ELAVL2: variants seen among roughly 807,000 people sequenced by gnomAD.
The protein encoded by ELAVL2 is ELAV-like protein 2.
Under a neutral mutation model 34.6 loss-of-function variants are expected in ELAVL2, and 4 were observed. That is an observed-to-expected ratio of 0.12 (90% CI 0.06 to 0.26). The LOEUF (loss-of-function observed/expected upper bound fraction) is 0.26. Among genes scored for constraint, ELAVL2 ranks in the 10% least tolerant of loss-of-function variants. The pLI is 1.00. For missense variants in ELAVL2, 432 were observed against 442.8 expected, an observed-to-expected ratio of 0.98 and a Z score of 0.22; for synonymous variants, 193 against 154.8, an observed-to-expected ratio of 1.25 and a Z score of -1.83.
intron 3 of ELAVL2, among the ~76,000 whole-genome samples, chr9:23,707,505 C>G (rs1288510258): frequency 6.6e-6 from 1 of 152,150 alleles, no homozygotes; most frequent in East Asian, 1.9e-4. Context: ...GGCATCTACA[C>G]ATTCTCCAAG....
At chr9:23,709,113 A>G (rs1261915865) in intron 3 of ELAVL2, among the ~76,000 whole-genome samples, 1 of 152,192 alleles carries the variant, frequency 6.6e-6, no homozygotes, top group Non-Finnish European at 1.5e-5. Context: ...AAGGTGTAAG[A>G]AAGGGTAATT....
chr9:23,748,160 G>A (rs1292673719), intron 2 of ELAVL2, among the ~76,000 whole-genome samples: 1 of 151,002 alleles, frequency 6.6e-6, no homozygotes, highest in Non-Finnish European at 1.5e-5. Flanking sequence ...ATTGATGGGG[G>A]GCTTCCTTGA....
At chr9:23,693,730 G>A (rs969147928) in intron 5 of ELAVL2, among the ~76,000 whole-genome samples, 2 of 152,188 alleles carry the variant, frequency 1.3e-5, no homozygotes, top group Non-Finnish European at 2.9e-5. Context: ...GGTCATCTGA[G>A]GATACCTTTC....
chr9:23,708,755 C>A (rs1033945574), intron 3 of ELAVL2, among the ~76,000 whole-genome samples: 7 of 152,134 alleles, frequency 4.6e-5, no homozygotes, highest in Non-Finnish European at 1.0e-4. Context: ...TATTCTCCTG[C>A]CTCAGCCTTC....
At chr9:23,716,451 A>G (rs895642349) in intron 3 of ELAVL2, among the ~76,000 whole-genome samples, 7 of 152,336 alleles carry the variant, frequency 4.6e-5, no homozygotes, top group African/African-American at 1.7e-4. Context: ...AAACACACCC[A>G]AAGTTAAAAA....
the ELAVL2 span, among the ~76,000 whole-genome samples, chr9:23,833,619 G>T: frequency 6.6e-6 from 1 of 151,484 alleles, no homozygotes; most frequent in Non-Finnish European, 1.5e-5. Context: ...AAATAATCTT[G>T]TTTTTTTATA....
chr9:23,721,620 A>G (rs2043747261), intron 3 of ELAVL2, among the ~76,000 whole-genome samples: 1 of 152,190 alleles, frequency 6.6e-6, no homozygotes, highest in Non-Finnish European at 1.5e-5. Context: ...TTCAAAATAC[A>G]GATGACCCTG....
intron 1 of ELAVL2, among the ~76,000 whole-genome samples, chr9:23,820,253 AT>A (rs2064365686): frequency 1.3e-5 from 2 of 152,368 alleles, no homozygotes; most frequent in South Asian, 2.1e-4. Context: ...ATGGTTTTAA[AT>A]GGACTGATTC....
At chr9:23,806,267 A>C (rs991865100) in intron 1 of ELAVL2, among the ~76,000 whole-genome samples, 2 of 152,198 alleles carry the variant, frequency 1.3e-5, no homozygotes, top group African/African-American at 2.4e-5. Context: ...AAAGAAAAAA[A>C]CTTGCATGTA....
intron 1 of ELAVL2, chr9:23,779,515 C>G (rs2058746395): frequency 1.8e-6 from 1 of 562,464 alleles, no homozygotes. Flanking sequence ...GCATTCTTCC[C>G]TGCCTCCAAA....
chr9:23,692,343 C>A lies in ELAVL2; in HGVS notation c.*214G>T. 1 of 553,148 alleles carries A rather than the reference C, an allele frequency of 1.8e-6. No individual in the cohort carries two copies. Among genetic ancestry groups the A allele is most frequent in the South Asian group, 2.8e-5 (1 of 35,894 alleles). The allele number at this position is 553,148 out of a possible 1,614,324, so 34.3% of individuals were successfully genotyped here. A position where few individuals can be genotyped will look rare whatever the true frequency, so the allele number is the denominator to read the frequency against. On this transcript the variant is annotated 3_prime_UTR_variant, in exon 7 of 7. Transcript: ENST00000397312. ...CAATGTGACAGGTAAAAACCCTGTA[C>A]CTCTTGTCCATATTCAAACATAAAA...
At chr9:23,778,192 T>A (rs2058523499) in intron 1 of ELAVL2, among the ~76,000 whole-genome samples, 1 of 152,132 alleles carries the variant, frequency 6.6e-6, no homozygotes, top group Middle Eastern at 3.2e-3. Context: ...TGGACTCTGC[T>A]TAAATAAATC....
chr9:23,707,368 A>C (rs1392409868), intron 3 of ELAVL2, among the ~76,000 whole-genome samples: 2 of 152,178 alleles, frequency 1.3e-5, no homozygotes, highest in African/African-American at 4.8e-5. Flanking sequence ...GTGCATCCCT[A>C]TCTAGGATTC....
At chr9:23,805,791 C>T (rs1018644122) in intron 1 of ELAVL2, among the ~76,000 whole-genome samples, 1 of 152,188 alleles carries the variant, frequency 6.6e-6, no homozygotes, top group Admixed American at 6.5e-5. Context: ...CAGTGGTCAT[C>T]CATGGAGACC....
At chr9:23,810,261 A>C (rs1353134796) in intron 1 of ELAVL2, among the ~76,000 whole-genome samples, 2 of 152,108 alleles carry the variant, frequency 1.3e-5, no homozygotes, top group Non-Finnish European at 2.9e-5. Context: ...CTGGCATCAG[A>C]AAGTCACCAG....
chr9:23,717,858 G>A (rs561272204), intron 3 of ELAVL2, among the ~76,000 whole-genome samples: 3 of 152,208 alleles, frequency 2.0e-5, no homozygotes, highest in South Asian at 4.1e-4. Context: ...CACTCAAAAT[G>A]TTTATAAAAT....
intron 2 of ELAVL2, among the ~76,000 whole-genome samples, chr9:23,752,621 A>C (rs2052414277): frequency 6.6e-6 from 1 of 151,876 alleles, no homozygotes; most frequent in Non-Finnish European, 1.5e-5. Flanking sequence ...AGTCTAGCTA[A>C]TTTTTGTATT....
intron 1 of ELAVL2, among the ~76,000 whole-genome samples, chr9:23,796,753 CAG>C (rs1174495696): frequency 6.6e-6 from 1 of 151,996 alleles, no homozygotes; most frequent in Admixed American, 6.5e-5. Context: ...TTTTTCAAAA[CAG>C]AGTAATATCC....
intron 1 of ELAVL2, among the ~76,000 whole-genome samples, chr9:23,797,833 C>A (rs183489893): frequency 6.6e-6 from 1 of 152,086 alleles, no homozygotes; most frequent in Admixed American, 6.5e-5. Context: ...GTGGCTGAGG[C>A]AGGAGAATCT....
Sources: allele counts gnomAD v4.1 joint callset (sites outside exome capture counted in the v4.1 genomes callset), GRCh38; gene constraint gnomAD v4.1.1; transcripts MANE v1.5; gene names NCBI Gene and HGNC (gene_info 2026-07-23, HGNC 2026-07-21).